The following ZBED4 variants were observed in gnomAD, a reference collection of about 807,000 sequenced individuals.
ZBED4 encodes zinc finger BED-type containing 4, also known as zinc finger BED domain-containing protein 4.
ZBED4 carries 4 observed loss-of-function variants against 15.5 expected under a neutral mutation model. The ratio of observed to expected loss-of-function variants is 0.26; its 90% CI spans 0.13 to 0.59. ZBED4 has a LOEUF of 0.59. ZBED4 is among the 20% of genes least tolerant of loss of function. ZBED4 has a pLI of 0.90. For missense variants in ZBED4, 1,323 were observed against 1,461.8 expected, an observed-to-expected ratio of 0.91 and a Z score of 1.55; for synonymous variants, 692 against 608.5, an observed-to-expected ratio of 1.14 and a Z score of -2.02.
intron 1 of ZBED4, among the ~76,000 whole-genome samples, chr22:49,880,741 T>C (rs1601799513): frequency 6.6e-6 from 1 of 152,254 alleles, no homozygotes; most frequent in East Asian, 1.9e-4. Flanking sequence ...ATATCAATTT[T>C]AGACTTCTGT....
In ZBED4 at chr22:49,883,827, T is replaced by C; in HGVS notation, c.165T>C (p.Gly55=). The C allele has an allele frequency of 6.2e-7, 1 of 1,612,040 alleles. No homozygotes were observed. Among genetic ancestry groups the C allele is most frequent in the Non-Finnish European group, 8.5e-7 (1 of 1,178,374 alleles). Residue 55 remains glycine, a synonymous_variant, in exon 2 of 2, where the codon GGT becomes GGC. Coordinates refer to ENST00000216268, the MANE Select transcript of ZBED4 (RefSeq NM_014838.3). ...AGGACATGAAGCAGACAGACAGCGGTGGGGAGCGAGCGGGCCTCGGTGGGA... is the reference window on the plus strand; with the variant it reads ...AGGACATGAAGCAGACAGACAGCGGCGGGGAGCGAGCGGGCCTCGGTGGGA... ...EQEDMKQTDS[G]GERAGLGGTG...
intron 1 of ZBED4, among the ~76,000 whole-genome samples, chr22:49,879,121 G>A (rs2060393775): frequency 6.7e-6 from 1 of 149,476 alleles, no homozygotes; most frequent in Admixed American, 6.7e-5. Context: ...CTCTACCCTG[G>A]CCACAGAGTG....
At chr22:49,872,304 G>A (rs1444589095) in intron 1 of ZBED4, among the ~76,000 whole-genome samples, 1 of 152,176 alleles carries the variant, frequency 6.6e-6, no homozygotes, top group Non-Finnish European at 1.5e-5. Flanking sequence ...TCCCTAAGCA[G>A]CAGCTCCTCA....
chr22:49,865,892 G>A lies in ZBED4; in HGVS notation c.-330+11903G>A, dbSNP rs963707865. Among the ~76,000 whole-genome samples, 5 of 120,988 alleles carry A rather than the reference G, an allele frequency of 4.1e-5. No homozygotes were observed. The East Asian group carries it at 1.1e-3, about 28-fold the overall frequency. The allele number at this position is 120,988 out of a possible 152,430, so 79.4% of individuals were successfully genotyped here. A position where few individuals can be genotyped will look rare whatever the true frequency, so the allele number is the denominator to read the frequency against. ...TTTTTTTTTTTCCCTTTAATTTTTT[G>A]TAGAGCTGGGGGTCTCACTATATTG... On this transcript the variant is annotated intron_variant, in intron 1 of 1. Coordinates refer to ENST00000216268, the MANE Select transcript of ZBED4 (RefSeq NM_014838.3).
intron 1 of ZBED4, among the ~76,000 whole-genome samples, chr22:49,861,252 G>A (rs1215810635): frequency 6.9e-6 from 1 of 144,374 alleles, no homozygotes; most frequent in African/African-American, 2.6e-5. Flanking sequence ...AGTGATTCTT[G>A]TGCCTCAGCC....
intron 1 of ZBED4, among the ~76,000 whole-genome samples, chr22:49,882,210 T>C (rs1053789876): frequency 3.9e-5 from 6 of 152,226 alleles, no homozygotes; most frequent in African/African-American, 1.4e-4. Context: ...ACTCCCTGTG[T>C]CCCTTGAAGA....
chr22:49,858,288 T>C (rs2060282892), intron 1 of ZBED4, among the ~76,000 whole-genome samples: 1 of 152,190 alleles, frequency 6.6e-6, no homozygotes, highest in Non-Finnish European at 1.5e-5. Context: ...TTTGTGGCAG[T>C]TGATGCTGCT....
Position 49,885,482 on chromosome 22 carries a change from T to A in ZBED4, c.1820T>A (p.Phe607Tyr). ...TSCLLRHLQR[F>Y]HSNVLKTEVS... ...TGTCTTCTGAGACATTTACAGCGGT[T>A]CCATAGCAACGTGCTGAAAACTGAG... Residue 607 changes from phenylalanine (F) to tyrosine (Y), a missense_variant, in exon 2 of 2, where the codon TTC (phenylalanine) becomes TAC (tyrosine). Phe to Tyr is a conservative substitution (Grantham distance 22). Transcript: ENST00000216268. 1.2e-6 allele frequency: 2 copies of A among 1,612,418 alleles called. No homozygotes were observed.
chr22:49,857,031 G>C (rs567573592), intron 1 of ZBED4, among the ~76,000 whole-genome samples: 47 of 152,328 alleles, frequency 3.1e-4, no homozygotes, highest in Admixed American at 8.5e-4. Context: ...TTAGGGTCGG[G>C]AGGACCTGGC....
intron 1 of ZBED4, among the ~76,000 whole-genome samples, chr22:49,874,718 TCGCCAGGC>T (rs2060367552): frequency 8.2e-6 from 1 of 121,890 alleles, no homozygotes; most frequent in Non-Finnish European, 1.6e-5. Flanking sequence ...TCTCACTCTG[TCGCCAGGC>T]TGGAGGGCAA....
At position 49,887,681 on chromosome 22, in the gene ZBED4, G is replaced by T. The variant is rs1353838534; in HGVS notation, c.*503G>T. 1 of 169,468 alleles carries T rather than the reference G, an allele frequency of 5.9e-6. No individual in the cohort carries two copies. Among genetic ancestry groups the T allele is most frequent in the Non-Finnish European group, 1.4e-5 (1 of 69,570 alleles). 10.5% of individuals were successfully genotyped at this position (169,468 alleles called of 1,614,324 possible). On this transcript the variant is annotated 3_prime_UTR_variant, in exon 2 of 2. Coordinates refer to ENST00000216268, the MANE Select transcript of ZBED4 (RefSeq NM_014838.3). ...CTGACTGAGCAGTTTTTAACCGCAGGTTCTAAAGTGTCCCGCGGAGTACAG... is the reference window on the plus strand; with the variant it reads ...CTGACTGAGCAGTTTTTAACCGCAGTTTCTAAAGTGTCCCGCGGAGTACAG...
intron 1 of ZBED4, among the ~76,000 whole-genome samples, chr22:49,870,944 T>A (rs959703096): frequency 8.4e-4 from 1 of 1,192 alleles, no homozygotes. Flanking sequence ...AAAAGATAGA[T>A]TTTTTTTTTT....
At chr22:49,881,235 G>C (rs1161318813) in intron 1 of ZBED4, among the ~76,000 whole-genome samples, 2 of 152,234 alleles carry the variant, frequency 1.3e-5, no homozygotes, top group Non-Finnish European at 2.9e-5. Flanking sequence ...TGTAATCCCA[G>C]CTACTTGGGA....
intron 1 of ZBED4, among the ~76,000 whole-genome samples, chr22:49,868,957 CA>C (rs71196385): frequency 0.88 from 115,443 of 131,760 alleles, 50,109 homozygotes; most frequent in East Asian, 0.94. Flanking sequence ...ACTAAAAATA[CA>C]AAAAAAAAAA....
rs868834816 is a variant in ZBED4, at chr22:49,884,143, G to A, written c.481G>A (p.Val161Met). ...GAGTACCAGTTGTCTCATGAGGCAC[G>A]TGAGGCGCGCACACCCGACCGTGCT... ...DLSTSCLMRH[V>M]RRAHPTVLIQ... is the part of the protein sequence containing the mutation. The change falls in exon 2 of 2, where the codon GTG becomes ATG. Residue 161 changes from valine (V) to methionine (M), a missense_variant. By Grantham distance (21) the Val-to-Met change is conservative. Transcript: ENST00000216268. 4 of 1,613,806 alleles carry A rather than the reference G, an allele frequency of 2.5e-6. No individual in the cohort carries two copies. The highest frequency in any genetic ancestry group is 1.3e-5 in the African/African-American group (1 of 75,014).
At chr22:49,865,992 G>A (rs1010136453) in intron 1 of ZBED4, among the ~76,000 whole-genome samples, 2 of 151,946 alleles carry the variant, frequency 1.3e-5, no homozygotes, top group Non-Finnish European at 2.9e-5. Flanking sequence ...ATACGCGTGG[G>A]CCACTGTGCC....
At chr22:49,877,378 G>A (rs747587667) in intron 1 of ZBED4, among the ~76,000 whole-genome samples, 53 of 152,008 alleles carry the variant, frequency 3.5e-4, no homozygotes, top group Non-Finnish European at 4.3e-4. Context: ...TGCAACCTCC[G>A]CCTCCCAGGC....
chr22:49,883,567 G>A lies in ZBED4; in HGVS notation c.-96G>A, dbSNP rs549269237. 3.9e-5 allele frequency: 55 copies of A among 1,418,836 alleles called. No individual in the cohort carries two copies. In the East Asian group the frequency reaches 7.1e-4, roughly 18 times the overall value. 87.9% of individuals were successfully genotyped at this position (1,418,836 alleles called of 1,614,324 possible). Reference sequence around the variant, plus strand: ...ACATCCTGAAAGATGGAATTATGACGAAAAAGTGAAGATAATCTACATTCG... The same window carrying A: ...ACATCCTGAAAGATGGAATTATGACAAAAAAGTGAAGATAATCTACATTCG... On this transcript the variant is annotated 5_prime_UTR_variant, in exon 2 of 2. Transcript: ENST00000216268.
intron 1 of ZBED4, among the ~76,000 whole-genome samples, chr22:49,861,924 A>G (rs1293734298): frequency 3.3e-5 from 5 of 152,000 alleles, no homozygotes; most frequent in African/African-American, 4.8e-5. Flanking sequence ...GATACATGTA[A>G]TTTTGGTGAG....
Sources: gnomAD v4.1 joint callset for allele counts (sites outside exome capture counted in the v4.1 genomes callset) on GRCh38, gnomAD v4.1.1 for gene constraint, MANE v1.5 for transcripts, NCBI Gene and HGNC (gene_info 2026-07-23, HGNC 2026-07-21) for gene names.